ADAMTS16: variants seen among roughly 807,000 people sequenced by gnomAD.
ADAMTS16 encodes the protein ADAM metallopeptidase with thrombospondin type 1 motif 16, also known as A disintegrin and metalloproteinase with thrombospondin motifs 16.
A neutral mutation model predicts 145.8 loss-of-function variants in ADAMTS16; 94 were observed. That is an observed-to-expected ratio of 0.64 (90% CI 0.55 to 0.77). The LOEUF (loss-of-function observed/expected upper bound fraction) is 0.77, where lower values mean the gene tolerates loss of function less well. Among genes scored for constraint, ADAMTS16 ranks in the 30% least tolerant of loss-of-function variants. The pLI, the probability that ADAMTS16 is intolerant of heterozygous loss-of-function variation, is 0.00. For synonymous variants in ADAMTS16, 659 were observed against 604.3 expected (o/e 1.09, Z -1.33); for missense variants, 1,585 against 1,591.5 (o/e 1.00, Z 0.07).
intron 18 of ADAMTS16, among the ~76,000 whole-genome samples, chr5:5,284,768 C>T (rs1739046470): frequency 6.6e-6 from 1 of 152,174 alleles, no homozygotes; most frequent in African/African-American, 2.4e-5. Flanking sequence ...AATTTTAATG[C>T]CATATACCCT....
chr5:5,149,088 T>C (rs1373586078), intron 3 of ADAMTS16, among the ~76,000 whole-genome samples: 1 of 152,258 alleles, frequency 6.6e-6, no homozygotes, highest in Admixed American at 6.5e-5. Flanking sequence ...ACACTACCTA[T>C]AAATGTTAAG....
chr5:5,183,799 T>C (rs938105325), intron 4 of ADAMTS16, among the ~76,000 whole-genome samples: 3 of 152,222 alleles, frequency 2.0e-5, no homozygotes, highest in Non-Finnish European at 2.9e-5. Flanking sequence ...GTAGTGTGTG[T>C]TGCCTTGAGA....
rs529124847 is a variant in ADAMTS16 at position 5,184,520 on chromosome 5, T to C, written c.764-1532T>C. On this transcript the variant is annotated intron_variant, in intron 4 of 22. Coordinates refer to ENST00000274181, the MANE Select transcript of ADAMTS16 (RefSeq NM_139056.4). ...TGGAATTCACACTTACAATGATTCT[T>C]TCCTATTAGAGTCCCCAGTTCAGAA... 5.3e-4 allele frequency among the ~76,000 whole-genome samples: 81 copies of C among 152,282 alleles called. 1 individual carries two copies. The highest frequency in any genetic ancestry group is 1.9e-3 in the African/African-American group (79 of 41,554).
At chr5:5,197,379 G>T (rs550058739) in intron 8 of ADAMTS16, among the ~76,000 whole-genome samples, 9 of 152,224 alleles carry the variant, frequency 5.9e-5, no homozygotes, top group Non-Finnish European at 1.2e-4. Context: ...TTAGATTTCC[G>T]TCTGGGTATT....
At chr5:5,191,898 T>A in intron 8 of ADAMTS16, 108 bp downstream of exon 8, 1 of 773,310 alleles carries the variant, frequency 1.3e-6, no homozygotes, top group Non-Finnish European at 2.1e-6. Context: ...AATTCACATA[T>A]ATCCAACGAG....
In ADAMTS16 at chr5:5,319,569, C is replaced by A. The variant is rs1159475477; in HGVS notation, c.*431C>A. 2 of 294,318 alleles carry A rather than the reference C, an allele frequency of 6.8e-6. No homozygotes were observed. The highest frequency in any genetic ancestry group is 1.1e-4 in the East Asian group (1 of 9,468). The allele number at this position is 294,318 out of a possible 1,614,324, so 18.2% of individuals were successfully genotyped here. ...AAATATGTACCCCCTAGTTCACCAG[C>A]CTCCCCTCCCACTAGGAGGGCCCCT... is the stretch of plus-strand genomic sequence containing the variant. On this transcript the variant is annotated 3_prime_UTR_variant, in exon 23 of 23. Transcript: ENST00000274181.
At chr5:5,304,989 CCACACA>C (rs201782122) in intron 20 of ADAMTS16, among the ~76,000 whole-genome samples, 4 of 57,420 alleles carry the variant, frequency 7.0e-5, no homozygotes, top group East Asian at 7.5e-4. Flanking sequence ...ACATCCTACA[CCACACA>C]CACACACACA....
At chr5:5,191,324 T>C (rs750220982) in intron 7 of ADAMTS16, among the ~76,000 whole-genome samples, 1 of 152,150 alleles carries the variant, frequency 6.6e-6, no homozygotes, top group Non-Finnish European at 1.5e-5. Flanking sequence ...CTTGGTCTTT[T>C]GGGAACATAG....
intron 10 of ADAMTS16, among the ~76,000 whole-genome samples, chr5:5,214,602 C>T (rs1357603054): frequency 1.3e-5 from 2 of 152,106 alleles, no homozygotes; most frequent in Non-Finnish European, 2.9e-5. Flanking sequence ...CAGTGTTTCA[C>T]CATGTTGGCC....
chr5:5,204,587 T>C (rs534728065), intron 9 of ADAMTS16, among the ~76,000 whole-genome samples: 2 of 152,360 alleles, frequency 1.3e-5, no homozygotes, highest in African/African-American at 4.8e-5. Context: ...TTCATCCTTG[T>C]TGCTGCATCT....
At chr5:5,141,871 G>A (rs1425348818) in intron 2 of ADAMTS16, among the ~76,000 whole-genome samples, 1 of 143,212 alleles carries the variant, frequency 7.0e-6, no homozygotes, top group Non-Finnish European at 1.5e-5. Flanking sequence ...GGGGCGCTAG[G>A]TGCAAATGAT....
intron 18 of ADAMTS16, among the ~76,000 whole-genome samples, chr5:5,276,282 C>T (rs116295325): frequency 3.3e-5 from 5 of 152,216 alleles, no homozygotes; most frequent in African/African-American, 4.8e-5. Context: ...TTCATCTTAC[C>T]GTTTCATGTC....
chr5:5,220,102 C>T (rs892739373), intron 10 of ADAMTS16, among the ~76,000 whole-genome samples: 15 of 151,154 alleles, frequency 9.9e-5, no homozygotes, highest in African/African-American at 2.7e-4. Flanking sequence ...TATTGAAAGA[C>T]GAGTAGCAAG....
chr5:5,293,473 A>T (rs1326367916), intron 18 of ADAMTS16, among the ~76,000 whole-genome samples: 1 of 152,142 alleles, frequency 6.6e-6, no homozygotes, highest in Non-Finnish European at 1.5e-5. Context: ...TCCCTGCATC[A>T]TGATGTCTCC....
Position 5,303,357 on chromosome 5 carries a change from A to G in ADAMTS16, c.2879A>G (p.Tyr960Cys). ...GTGCAGTGCACACGGCGGGTGCACT[A>G]TGACTCGGAGCCAGTCCCGGCCAGC... ...RPVQCTRRVH[Y>C]DSEPVPASLC... Residue 960 changes from tyrosine to cysteine, a missense_variant, in exon 19 of 23, where the codon TAT becomes TGT. Tyr to Cys is a radical substitution (Grantham distance 194). Coordinates refer to ENST00000274181, the MANE Select transcript of ADAMTS16 (RefSeq NM_139056.4). The G allele has an allele frequency of 6.2e-7, 1 of 1,602,332 alleles. No homozygotes were observed.
At chr5:5,174,939 C>T (rs1003774527) in intron 3 of ADAMTS16, among the ~76,000 whole-genome samples, 4 of 152,204 alleles carry the variant, frequency 2.6e-5, no homozygotes, top group African/African-American at 9.7e-5. Flanking sequence ...CAGTAGGCTC[C>T]TCTCTGACCC....
chr5:5,239,030 AC>A, intron 14 of ADAMTS16, 120 bp from the exon 15 acceptor site: 1 of 1,115,090 alleles, frequency 9.0e-7, no homozygotes, highest in Non-Finnish European at 1.2e-6. Context: ...TTTGTTAACT[AC>A]CCTATGTTGG....
At chr5:5,273,886 A>G (rs955555454) in intron 18 of ADAMTS16, among the ~76,000 whole-genome samples, 1 of 152,346 alleles carries the variant, frequency 6.6e-6, no homozygotes, top group South Asian at 2.1e-4. Flanking sequence ...GGGATACAAC[A>G]TTAACTTTCT....
chr5:5,144,186 A>C (rs1267678149), intron 2 of ADAMTS16, among the ~76,000 whole-genome samples: 1 of 152,096 alleles, frequency 6.6e-6, no homozygotes, highest in Non-Finnish European at 1.5e-5. Flanking sequence ...AGAGAATATA[A>C]AATAGAATTG....
Sources: gnomAD v4.1 joint callset for allele counts (sites outside exome capture counted in the v4.1 genomes callset) on GRCh38, gnomAD v4.1.1 for gene constraint, MANE v1.5 for transcripts, NCBI Gene and HGNC (gene_info 2026-07-23, HGNC 2026-07-21) for gene names.